Variants in RBKS observed in about 807,000 individuals in gnomAD.
The protein encoded by RBKS is ribokinase.
In RBKS, 33 loss-of-function variants were observed where a neutral mutation model predicts 33.9. The ratio of observed to expected loss-of-function variants is 0.97; its 90% CI spans 0.74 to 1.30. The LOEUF (loss-of-function observed/expected upper bound fraction) is 1.30, where lower values mean the gene tolerates loss of function less well. Ranked by LOEUF, RBKS falls within the 50% of genes most tolerant of loss-of-function variation. The pLI is 0.00. For missense variants in RBKS, 361 were observed against 392.6 expected (o/e 0.92, Z 0.68); for synonymous variants, 125 against 143.0 (o/e 0.87, Z 0.90).
intron 7 of RBKS, among the ~76,000 whole-genome samples, chr2:27,801,332 C>CT (rs536121055): frequency 2.1e-3 from 327 of 152,180 alleles, no homozygotes; most frequent in Non-Finnish European, 3.6e-3. Flanking sequence ...TGCCTACAGC[C>CT]TTCATTTCAT....
At position 27,806,332 on chromosome 2, in the gene RBKS, T is replaced by C. The variant is rs556347331; in HGVS notation, c.795+21235A>G. Reference sequence around the variant, plus strand: ...GCCATTATATAGACAAAAAGGTATATCTGGCCAGGGAAATGATAAATATAA... The same window carrying C: ...GCCATTATATAGACAAAAAGGTATACCTGGCCAGGGAAATGATAAATATAA... On this transcript the variant is annotated intron_variant, in intron 7 of 7. Transcript: ENST00000302188. 2.0e-5 allele frequency among the ~76,000 whole-genome samples: 3 copies of C among 152,362 alleles called. No homozygotes were observed. In the East Asian group the frequency reaches 5.8e-4, roughly 29 times the overall value.
intron 5 of RBKS, among the ~76,000 whole-genome samples, chr2:27,840,352 ACACG>A (rs1466007903): frequency 1.4e-4 from 18 of 133,014 alleles, no homozygotes; most frequent in African/African-American, 2.2e-4. Context: ...ACACACACAC[ACACG>A]CGCGCGCGCA....
chr2:27,872,215 G>A (rs1341082240), intron 1 of RBKS, among the ~76,000 whole-genome samples: 1 of 152,086 alleles, frequency 6.6e-6, no homozygotes, highest in Admixed American at 6.5e-5. Flanking sequence ...GGCTTAATGA[G>A]CTTGAAAAAT....
intron 1 of RBKS, among the ~76,000 whole-genome samples, chr2:27,867,763 G>A (rs1289614913): frequency 1.3e-5 from 2 of 152,124 alleles, no homozygotes; most frequent in African/African-American, 4.8e-5. Flanking sequence ...ATTGCAAGAG[G>A]CAAGGGCAGG....
intron 7 of RBKS, among the ~76,000 whole-genome samples, chr2:27,783,689 C>T (rs1302232483): frequency 6.6e-6 from 1 of 152,016 alleles, no homozygotes; most frequent in African/African-American, 2.4e-5. Flanking sequence ...GGGCGGATCA[C>T]GAGGTCAGGA....
intron 1 of RBKS, among the ~76,000 whole-genome samples, chr2:27,863,470 C>G (rs925790882): frequency 1.3e-5 from 2 of 152,228 alleles, no homozygotes; most frequent in African/African-American, 4.8e-5. Flanking sequence ...AATTCACTGA[C>G]AGGTGTTACC....
In RBKS at chr2:27,806,738, A is replaced by G. The variant is rs145645511; in HGVS notation, c.795+20829T>C. ...TGTAGCATATCTTTGAATATCCTCAATGGAGGCACATTTCATCTCAGTCAG... is the reference window on the plus strand; with the variant it reads ...TGTAGCATATCTTTGAATATCCTCAGTGGAGGCACATTTCATCTCAGTCAG... On this transcript the variant is annotated intron_variant, in intron 7 of 7. Transcript: ENST00000302188. Among the ~76,000 whole-genome samples, 252 of 152,308 alleles carry G rather than the reference A, an allele frequency of 1.7e-3. 5 individuals are homozygous for G. The highest frequency in any genetic ancestry group is 5.8e-3 in the African/African-American group (241 of 41,568).
chr2:27,862,276 ATATAGG>A (rs1664006778), intron 1 of RBKS, among the ~76,000 whole-genome samples: 3 of 152,276 alleles, frequency 2.0e-5, no homozygotes, highest in East Asian at 3.9e-4. Context: ...AAGGAAAAAG[ATATAGG>A]TATATGTTCT....
chr2:27,836,262 A>G (rs1254785457), intron 5 of RBKS, among the ~76,000 whole-genome samples: 2 of 152,206 alleles, frequency 1.3e-5, no homozygotes, highest in African/African-American at 4.8e-5. Flanking sequence ...AAACAGGTAT[A>G]CTATAAACGA....
chr2:27,840,220 C>CT (rs1167309075), intron 5 of RBKS, among the ~76,000 whole-genome samples: 1 of 151,554 alleles, frequency 6.6e-6, no homozygotes, highest in African/African-American at 2.4e-5. Context: ...TGGGGTTTCA[C>CT]CGTGTTAGCC....
chr2:27,888,124 T>G (rs1664582792), intron 1 of RBKS, among the ~76,000 whole-genome samples: 2 of 151,696 alleles, frequency 1.3e-5, no homozygotes, highest in Non-Finnish European at 2.9e-5. Context: ...GAAAATTTTC[T>G]TTTCTTTTCT....
chr2:27,783,437 A>C (rs1281785231), intron 7 of RBKS, among the ~76,000 whole-genome samples: 1 of 152,208 alleles, frequency 6.6e-6, no homozygotes, highest in Admixed American at 6.5e-5. Context: ...GGACACATCA[A>C]GTTTCTTTCC....
intron 2 of RBKS, among the ~76,000 whole-genome samples, chr2:27,854,335 G>A (rs1342142019): frequency 1.3e-5 from 2 of 152,216 alleles, no homozygotes; most frequent in African/African-American, 4.8e-5. Context: ...GCACCAGCCT[G>A]AGGACTGGAC....
intron 1 of RBKS, among the ~76,000 whole-genome samples, chr2:27,887,112 T>C (rs1053247314): frequency 2.6e-5 from 4 of 152,202 alleles, no homozygotes; most frequent in African/African-American, 9.6e-5. Flanking sequence ...TTCTGAATTA[T>C]CTGGTTGTGC....
intron 1 of RBKS, among the ~76,000 whole-genome samples, chr2:27,861,947 AT>A (rs763090773): frequency 0.018 from 2,044 of 113,704 alleles, 11 homozygotes; most frequent in Non-Finnish European, 0.019. Flanking sequence ...GCCTGGCCTG[AT>A]TTTTTTTTTT....
intron 7 of RBKS, among the ~76,000 whole-genome samples, chr2:27,823,655 G>T (rs145596916): frequency 2.4e-4 from 36 of 152,302 alleles, no homozygotes; most frequent in African/African-American, 8.4e-4. Context: ...GAACAGGTAA[G>T]AATTTTAATA....
chr2:27,890,187 C>G lies in RBKS; in HGVS notation c.89+70G>C. ...CTGGAGACCCAGCGCCCAAAAGCTC[C>G]ACTGGGCGCATAGCGCACGGCACGC... On this transcript the variant is annotated intron_variant, in intron 1 of 7. Transcript: ENST00000302188. This position sits in a 1 kb window ranked among gnomAD's most constrained non-coding sequence, Gnocchi z 4.8. 6.8e-7 allele frequency: 1 copy of G among 1,469,534 alleles called. No homozygotes were observed. Among genetic ancestry groups the G allele is most frequent in the Admixed American group, 1.7e-5 (1 of 58,182 alleles). 91.0% of individuals were successfully genotyped at this position (1,469,534 alleles called of 1,614,324 possible).
intron 6 of RBKS, 93 bp from the exon 7 acceptor site, chr2:27,827,848 TTTTTATAA>T: frequency 1.8e-6 from 2 of 1,126,442 alleles, no homozygotes; most frequent in Non-Finnish European, 2.4e-6. Flanking sequence ...TCTCCCTTCT[TTTTTATAA>T]CAACCAATGC....
chr2:27,843,138 A>G lies in RBKS; in HGVS notation c.443T>C (p.Val148Ala). 6.2e-7 allele frequency: 1 copy of G among 1,611,752 alleles called. No homozygotes were observed. The highest frequency in any genetic ancestry group is 2.2e-5 in the East Asian group (1 of 44,746). ...AAANVISRAK[V>A]MVCQLEITPA... is the part of the protein sequence containing the mutation. The stretch of plus-strand genomic sequence containing the variant: ...AGTTATTTCGAGCTGGCAGACCATG[A>G]CTTTGGCTCTGCTAATGACATTGGC... The change falls in exon 5 of 8, where the codon GTC becomes GCC. Residue 148 changes from valine to alanine, a missense_variant. By Grantham distance (64) the Val-to-Ala change is moderately conservative. Coordinates refer to ENST00000302188, the MANE Select transcript of RBKS (RefSeq NM_022128.3).
Sources: allele counts gnomAD v4.1 joint callset (sites outside exome capture counted in the v4.1 genomes callset), GRCh38; gene constraint gnomAD v4.1.1; non-coding constraint Gnocchi (gnomAD v3.1); transcripts MANE v1.5; gene names NCBI Gene and HGNC (gene_info 2026-07-23, HGNC 2026-07-21).